The following PPM1H variants were observed in gnomAD, a reference collection of about 807,000 sequenced individuals.
PPM1H encodes protein phosphatase 1H.
In PPM1H, 27 loss-of-function variants were observed where a neutral mutation model predicts 54.9. The ratio of observed to expected loss-of-function variants is 0.49; its 90% CI spans 0.36 to 0.68. The LOEUF (loss-of-function observed/expected upper bound fraction) is 0.68, where lower values mean the gene tolerates loss of function less well. Ranked by LOEUF, PPM1H falls within the 30% of genes least tolerant of loss-of-function variation. The pLI is 0.00. For missense variants in PPM1H, 596 were observed against 667.8 expected (o/e 0.89, Z 1.19); for synonymous variants, 305 against 270.8 (o/e 1.13, Z -1.24).
chr12:62,922,461 C>T, intron 1 of PPM1H, among the ~76,000 whole-genome samples: 1 of 152,056 alleles, frequency 6.6e-6, no homozygotes. Flanking sequence ...TCATTTTCCT[C>T]TTTTATTGAA....
At chr12:62,691,180 A>G (rs1246815991) in intron 7 of PPM1H, among the ~76,000 whole-genome samples, 1 of 152,182 alleles carries the variant, frequency 6.6e-6, no homozygotes, top group Non-Finnish European at 1.5e-5. Flanking sequence ...TTGCATCAAG[A>G]CAGGCGACAC....
chr12:62,828,346 CCA>C (rs1868312499), intron 2 of PPM1H, among the ~76,000 whole-genome samples: 1 of 152,220 alleles, frequency 6.6e-6, no homozygotes, highest in Non-Finnish European at 1.5e-5. Context: ...TCTGCTCCAA[CCA>C]CACAGACCTC....
chr12:62,672,129 G>A (rs574559144), intron 8 of PPM1H, among the ~76,000 whole-genome samples: 16 of 152,276 alleles, frequency 1.1e-4, no homozygotes, highest in African/African-American at 3.6e-4. Context: ...ATGAAGCTTT[G>A]TGCCTTGTCC....
chr12:62,929,456 A>T (rs1872066214), intron 1 of PPM1H, among the ~76,000 whole-genome samples: 2 of 152,220 alleles, frequency 1.3e-5, no homozygotes, highest in Non-Finnish European at 2.9e-5. Context: ...ATTAAAAATA[A>T]CTCTTGAACA....
At chr12:62,917,425 T>A (rs1393336419) in intron 1 of PPM1H, among the ~76,000 whole-genome samples, 3 of 152,224 alleles carry the variant, frequency 2.0e-5, no homozygotes, top group South Asian at 2.1e-4. Flanking sequence ...AATTTTACAT[T>A]TTTTCAACTT....
intron 6 of PPM1H, among the ~76,000 whole-genome samples, chr12:62,709,938 C>T (rs2076197388): frequency 6.6e-6 from 1 of 152,078 alleles, no homozygotes; most frequent in South Asian, 2.1e-4. Context: ...GGCGTGGTGG[C>T]ACATGCCTGT....
chr12:62,782,033 A>G (rs2076645877), intron 4 of PPM1H, among the ~76,000 whole-genome samples: 1 of 152,072 alleles, frequency 6.6e-6, no homozygotes, highest in Admixed American at 6.5e-5. Context: ...TTTTTCTGTT[A>G]TTTTTCAAAT....
intron 1 of PPM1H, among the ~76,000 whole-genome samples, chr12:62,872,453 T>C (rs1419798508): frequency 6.6e-6 from 1 of 152,238 alleles, no homozygotes; most frequent in Non-Finnish European, 1.5e-5. Context: ...TGGAATATGA[T>C]GGCATTTTTT....
chr12:62,898,646 T>G (rs938622245), intron 1 of PPM1H, among the ~76,000 whole-genome samples: 1 of 152,172 alleles, frequency 6.6e-6, no homozygotes, highest in African/African-American at 2.4e-5. Flanking sequence ...TTTCCAAATT[T>G]AGAAAATAGG....
rs1275672354 is a variant in PPM1H at position 62,922,137 on chromosome 12, G to A, written c.245+12355C>T. Among the ~76,000 whole-genome samples, 3 of 152,194 alleles carry A rather than the reference G, an allele frequency of 2.0e-5. No homozygotes were observed. The South Asian group carries it at 6.2e-4, about 31-fold the overall frequency. ...TGTTATACTTAGGAACGCACATATA[G>A]TAAGGAAGTATAATTTTAAGAGACT... is the stretch of plus-strand genomic sequence containing the variant. On this transcript the variant is annotated intron_variant, in intron 1 of 9. Coordinates refer to ENST00000228705, the MANE Select transcript of PPM1H (RefSeq NM_020700.2).
chr12:62,888,817 T>C (rs1870682132), intron 1 of PPM1H, among the ~76,000 whole-genome samples: 1 of 152,128 alleles, frequency 6.6e-6, no homozygotes. Context: ...ATCCCCACAA[T>C]TAAGTCCATT....
intron 1 of PPM1H, among the ~76,000 whole-genome samples, chr12:62,928,176 A>C (rs1430213669): frequency 1.3e-5 from 2 of 152,244 alleles, no homozygotes; most frequent in Non-Finnish European, 2.9e-5. Context: ...AATGCCTCTA[A>C]TAAAGTATAA....
At chr12:62,867,985 T>G (rs1286441433) in intron 1 of PPM1H, among the ~76,000 whole-genome samples, 1 of 152,076 alleles carries the variant, frequency 6.6e-6, no homozygotes, top group Non-Finnish European at 1.5e-5. Context: ...TGTTTTTCAT[T>G]TTGTCACTAT....
At chr12:62,823,775 A>G (rs1173602817) in intron 2 of PPM1H, among the ~76,000 whole-genome samples, 2 of 152,218 alleles carry the variant, frequency 1.3e-5, no homozygotes, top group African/African-American at 4.8e-5. Context: ...ATTTATGACA[A>G]ACCCACAGCC....
chr12:62,822,467 T>C (rs1004108961), intron 2 of PPM1H, among the ~76,000 whole-genome samples: 3 of 152,112 alleles, frequency 2.0e-5, no homozygotes, highest in Admixed American at 6.6e-5. Flanking sequence ...CAGCACCACA[T>C]AGCACTTATT....
At chr12:62,843,285 C>T (rs1316581697) in intron 1 of PPM1H, among the ~76,000 whole-genome samples, 1 of 152,168 alleles carries the variant, frequency 6.6e-6, no homozygotes, top group East Asian at 1.9e-4. Flanking sequence ...CCACTGCACT[C>T]CAGCCTAGGC....
Position 62,720,259 on chromosome 12 carries a change from C to A in PPM1H, c.985G>T (p.Glu329Ter), listed in dbSNP as rs758630061. 3 of 1,613,490 alleles carry A rather than the reference C, an allele frequency of 1.9e-6. No individual in the cohort carries two copies. The highest frequency in any genetic ancestry group is 1.3e-5 in the African/African-American group (1 of 74,910). The stretch of plus-strand genomic sequence containing the variant: ...CTTGGAAACTCCAAATGTGTGAACT[C>A]ATTTCCCAGCAAGTGAGGCTGCATG... ...AFMQPHLLGN[E>*]FTHLEFPRRV... The change falls in exon 6 of 10, where the codon GAG (glutamate) becomes TAG (stop). Residue 329 changes from glutamate to a stop codon, truncating the protein, a stop_gained. Coordinates refer to ENST00000228705, the MANE Select transcript of PPM1H (RefSeq NM_020700.2). LOFTEE classifies it high-confidence loss of function.
chr12:62,910,774 C>G (rs1871430357), intron 1 of PPM1H, among the ~76,000 whole-genome samples: 2 of 152,138 alleles, frequency 1.3e-5, no homozygotes, highest in Non-Finnish European at 2.9e-5. Flanking sequence ...TCTAGCAATA[C>G]TCATTTTATC....
chr12:62,728,579 T>C (rs1188912486), intron 5 of PPM1H, among the ~76,000 whole-genome samples: 2 of 152,116 alleles, frequency 1.3e-5, no homozygotes, highest in African/African-American at 2.4e-5. Context: ...AGAGGCACCT[T>C]CCAGAACCTT....
Sources: allele counts gnomAD v4.1 joint callset (sites outside exome capture counted in the v4.1 genomes callset), GRCh38; gene constraint gnomAD v4.1.1; transcripts MANE v1.5; gene names NCBI Gene and HGNC (gene_info 2026-07-23, HGNC 2026-07-21).